COL19A1: variants seen among roughly 807,000 people sequenced by gnomAD.
COL19A1 encodes collagen type XIX alpha 1 chain.
A neutral mutation model predicts 190.2 loss-of-function variants in COL19A1; 159 were observed. The observed-to-expected ratio is 0.84, with a 90% CI of 0.73 to 0.95. COL19A1 has a LOEUF of 0.95. Among genes scored for constraint, COL19A1 ranks in the 40% least tolerant of loss-of-function variants. The pLI is 0.00. For missense variants in COL19A1, 1,418 were observed against 1,431.9 expected, an observed-to-expected ratio of 0.99 and a Z score of 0.16; for synonymous variants, 509 against 458.9, an observed-to-expected ratio of 1.11 and a Z score of -1.39.
At chr6:69,871,736 A>C (rs1767836843) in intron 1 of COL19A1, among the ~76,000 whole-genome samples, 2 of 152,086 alleles carry the variant, frequency 1.3e-5, no homozygotes, top group Non-Finnish European at 2.9e-5. Context: ...AATGTTTCAC[A>C]GGCAGATTTG....
At chr6:70,115,170 AG>A (rs1321868076) in intron 16 of COL19A1, among the ~76,000 whole-genome samples, 1 of 152,140 alleles carries the variant, frequency 6.6e-6, no homozygotes, top group Admixed American at 6.6e-5. Context: ...TTAGCCCCCA[AG>A]GGCCATCCCT....
intron 5 of COL19A1, among the ~76,000 whole-genome samples, chr6:69,928,383 A>G (rs1015559061): frequency 2.0e-5 from 3 of 152,020 alleles, no homozygotes; most frequent in Non-Finnish European, 4.4e-5. Context: ...CTAATGTTAT[A>G]TATTATTTTT....
chr6:69,992,019 T>TA (rs1776653754), intron 11 of COL19A1, among the ~76,000 whole-genome samples: 1 of 152,088 alleles, frequency 6.6e-6, no homozygotes, highest in African/African-American at 2.4e-5. Context: ...TCTTCCAGGG[T>TA]TTTTACAGTT....
chr6:70,017,819 C>T (rs993981591), intron 11 of COL19A1, among the ~76,000 whole-genome samples: 1 of 152,070 alleles, frequency 6.6e-6, no homozygotes, highest in Non-Finnish European at 1.5e-5. Context: ...AAGAAAAAGA[C>T]TAAAAGGTGT....
intron 9 of COL19A1, among the ~76,000 whole-genome samples, chr6:69,946,528 C>T (rs565896767): frequency 3.3e-5 from 5 of 151,852 alleles, no homozygotes; most frequent in South Asian, 2.1e-4. Flanking sequence ...TAGATATTTA[C>T]GAATTACTGA....
At chr6:70,130,759 A>C (rs1354412562) in intron 18 of COL19A1, among the ~76,000 whole-genome samples, 2 of 152,240 alleles carry the variant, frequency 1.3e-5, no homozygotes, top group Non-Finnish European at 2.9e-5. Flanking sequence ...AGAACATATC[A>C]AGGGGAAATT....
intron 14 of COL19A1, among the ~76,000 whole-genome samples, chr6:70,043,195 T>TC (rs1164999311): frequency 7.7e-5 from 4 of 52,064 alleles, no homozygotes; most frequent in African/African-American, 1.6e-4. Flanking sequence ...TTCTTCTTCT[T>TC]TTTTTTTTTT....
intron 14 of COL19A1, among the ~76,000 whole-genome samples, chr6:70,062,274 G>C (rs1215012808): frequency 6.6e-6 from 1 of 152,114 alleles, no homozygotes; most frequent in Admixed American, 6.6e-5. Context: ...AATTTATACT[G>C]AACTCTGAGA....
In COL19A1 at chr6:70,084,368, C is replaced by A. The variant is rs553124634; in HGVS notation, c.1224+15892C>A. 2.0e-5 allele frequency among the ~76,000 whole-genome samples: 3 copies of A among 152,300 alleles called. No homozygotes were observed. In the East Asian group the frequency reaches 5.8e-4, roughly 29 times the overall value. On this transcript the variant is annotated intron_variant, in intron 15 of 50. Coordinates refer to ENST00000620364, the MANE Select transcript of COL19A1 (RefSeq NM_001858.6). ...TCATGTTCAAGTCTATGGCCGAATT[C>A]TGCTCCCTCAATAGCCATATTTTTC...
chr6:70,003,877 C>T (rs1582659857), intron 11 of COL19A1, among the ~76,000 whole-genome samples: 1 of 152,032 alleles, frequency 6.6e-6, no homozygotes, highest in African/African-American at 2.4e-5. Context: ...TTACATTTAA[C>T]GTTAGTATTG....
At position 70,180,524 on chromosome 6, in the gene COL19A1, G is replaced by T; in HGVS notation, c.2775+1G>T. 2 of 1,614,054 alleles carry T rather than the reference G, an allele frequency of 1.2e-6. No homozygotes were observed. Among genetic ancestry groups the T allele is most frequent in the Non-Finnish European group, 1.7e-6 (2 of 1,179,950 alleles). ...ACCAGAAGGACCCTCAGGAAAGCCA[G>T]TAAGTACTTCTTACTACTTAAAATA... On this transcript the variant is annotated splice_donor_variant, in intron 44 of 50. Transcript: ENST00000620364. LOFTEE classifies it high-confidence loss of function.
chr6:69,908,098 G>A (rs552045808), intron 4 of COL19A1, among the ~76,000 whole-genome samples: 10 of 152,174 alleles, frequency 6.6e-5, no homozygotes, highest in Admixed American at 1.3e-4. Flanking sequence ...AATTTTCAAT[G>A]TTTTCATTCC....
chr6:70,097,307 A>T (rs1783336904), intron 15 of COL19A1, among the ~76,000 whole-genome samples: 1 of 152,048 alleles, frequency 6.6e-6, no homozygotes, highest in South Asian at 2.1e-4. Context: ...GAGGTTTCCT[A>T]TGACTGATTT....
chr6:69,911,421 T>C (rs1770906087), intron 4 of COL19A1, among the ~76,000 whole-genome samples: 1 of 152,194 alleles, frequency 6.6e-6, no homozygotes, highest in Non-Finnish European at 1.5e-5. Flanking sequence ...TTTTAATAAT[T>C]TTAGACTAAA....
chr6:70,157,272 G>A (rs567836153), intron 34 of COL19A1, among the ~76,000 whole-genome samples: 7 of 152,204 alleles, frequency 4.6e-5, no homozygotes, highest in East Asian at 1.9e-4. Flanking sequence ...CTGCTCACCC[G>A]TTGGACTAAG....
At chr6:70,193,775 G>A (rs944882082) in intron 48 of COL19A1, among the ~76,000 whole-genome samples, 2 of 152,120 alleles carry the variant, frequency 1.3e-5, no homozygotes, top group Non-Finnish European at 2.9e-5. Flanking sequence ...TAGTTATTTA[G>A]CATTTAAGTT....
chr6:70,074,445 G>A (rs1381508312), intron 15 of COL19A1, among the ~76,000 whole-genome samples: 3 of 141,466 alleles, frequency 2.1e-5, no homozygotes, highest in Non-Finnish European at 1.5e-5. Flanking sequence ...GTTGCAGTGA[G>A]CCGAGATTGT....
intron 11 of COL19A1, among the ~76,000 whole-genome samples, chr6:69,989,400 A>G (rs533505972): frequency 6.6e-6 from 1 of 152,148 alleles, no homozygotes; most frequent in East Asian, 1.9e-4. Context: ...GCTAATCCAT[A>G]TATTTGTGCC....
intron 48 of COL19A1, 85 bp from the exon 49 acceptor site, chr6:70,199,523 T>G: frequency 5.7e-6 from 6 of 1,044,836 alleles, no homozygotes; most frequent in Non-Finnish European, 6.4e-6. Flanking sequence ...AATCTTTTTG[T>G]TTGTTTGATT....
Sources: allele counts gnomAD v4.1 joint callset (sites outside exome capture counted in the v4.1 genomes callset), GRCh38; gene constraint gnomAD v4.1.1; transcripts MANE v1.5; gene names NCBI Gene and HGNC (gene_info 2026-07-23, HGNC 2026-07-21).